Variants in OSBP2 observed in about 807,000 individuals in gnomAD.
The protein encoded by OSBP2 is oxysterol-binding protein 2.
A neutral mutation model predicts 96.0 loss-of-function variants in OSBP2; 66 were observed. That is an observed-to-expected ratio of 0.69 (90% CI 0.56 to 0.84). The LOEUF (loss-of-function observed/expected upper bound fraction) is 0.84, where lower values mean the gene tolerates loss of function less well. Among genes scored for constraint, OSBP2 ranks in the 40% least tolerant of loss-of-function variants. The pLI is 0.00. For missense variants in OSBP2, 1,038 were observed against 1,222.7 expected (o/e 0.85, Z 2.25); for synonymous variants, 525 against 520.9 (o/e 1.01, Z -0.11).
chr22:30,881,428 A>G lies in OSBP2; in HGVS notation c.1108-5998A>G, dbSNP rs1415733550. ...TAGGACCCCTCACTCTCTTCCCCTTAAACAATTCAGGACACAAATGTGCGG... is the reference window on the plus strand; with the variant it reads ...TAGGACCCCTCACTCTCTTCCCCTTGAACAATTCAGGACACAAATGTGCGG... On this transcript the variant is annotated intron_variant, in intron 3 of 13. Transcript: ENST00000332585. The surrounding 1 kb of genome is among the most constrained non-coding windows in gnomAD (Gnocchi z 4.5). Among the ~76,000 whole-genome samples the G allele has an allele frequency of 2.0e-5, 3 of 152,118 alleles. No homozygotes were observed. The highest frequency in any genetic ancestry group is 4.4e-5 in the Non-Finnish European group (3 of 68,008).
intron 2 of OSBP2, among the ~76,000 whole-genome samples, chr22:30,808,824 G>A (rs189362296): frequency 7.2e-5 from 11 of 152,148 alleles, no homozygotes; most frequent in Admixed American, 5.9e-4. Flanking sequence ...CGTGGTGGCG[G>A]GTGCCTGTAG....
intron 2 of OSBP2, among the ~76,000 whole-genome samples, chr22:30,837,869 C>T (rs918149613): frequency 6.6e-5 from 10 of 152,134 alleles, no homozygotes; most frequent in African/African-American, 2.4e-4. Context: ...GCATGTGAAC[C>T]CTCTTTAGAA....
intron 12 of OSBP2, among the ~76,000 whole-genome samples, chr22:30,897,858 G>C (rs1350134893): frequency 6.6e-6 from 1 of 151,562 alleles, no homozygotes; most frequent in Non-Finnish European, 1.5e-5. Flanking sequence ...GCTGAGGTAA[G>C]AGAATCGCTT....
At chr22:30,705,897 G>T (rs1251546385) in intron 1 of OSBP2, among the ~76,000 whole-genome samples, 2 of 152,182 alleles carry the variant, frequency 1.3e-5, no homozygotes, top group Non-Finnish European at 2.9e-5. Context: ...AGGCCAACAG[G>T]TTGAGGCAAA....
intron 3 of OSBP2, among the ~76,000 whole-genome samples, chr22:30,877,560 G>T (rs978368320): frequency 2.2e-4 from 33 of 152,180 alleles, no homozygotes; most frequent in African/African-American, 8.0e-4. Context: ...GGCTTGGAGT[G>T]TTAGCATCCA....
At chr22:30,861,330 G>C (rs1271097738) in intron 2 of OSBP2, among the ~76,000 whole-genome samples, 1 of 152,136 alleles carries the variant, frequency 6.6e-6, no homozygotes, top group East Asian at 1.9e-4. Flanking sequence ...TTGGTAATAG[G>C]TGTCCCTGGT....
chr22:30,701,201 C>T (rs1187069489), intron 1 of OSBP2, among the ~76,000 whole-genome samples: 1 of 152,038 alleles, frequency 6.6e-6, no homozygotes, highest in East Asian at 1.9e-4. Flanking sequence ...CACACCAAGA[C>T]ATTGTTGCCT....
intron 2 of OSBP2, among the ~76,000 whole-genome samples, chr22:30,768,855 G>T (rs1473095208): frequency 6.6e-6 from 1 of 152,190 alleles, no homozygotes; most frequent in Non-Finnish European, 1.5e-5. Flanking sequence ...TTACTGTTTA[G>T]GTGTTAACCT....
At chr22:30,716,487 G>C (rs1033061709) in intron 1 of OSBP2, among the ~76,000 whole-genome samples, 4 of 151,974 alleles carry the variant, frequency 2.6e-5, no homozygotes, top group Admixed American at 1.3e-4. Flanking sequence ...GCCCGGGCTG[G>C]AGTGCAATGG....
intron 2 of OSBP2, among the ~76,000 whole-genome samples, chr22:30,742,884 G>T (rs756560878): frequency 5.3e-5 from 8 of 152,150 alleles, no homozygotes; most frequent in Non-Finnish European, 1.0e-4. Context: ...CAGTGGGCGC[G>T]TACATTTGTA....
At chr22:30,757,532 C>T (rs2090156691) in intron 2 of OSBP2, among the ~76,000 whole-genome samples, 1 of 152,024 alleles carries the variant, frequency 6.6e-6, no homozygotes, top group Non-Finnish European at 1.5e-5. Context: ...ATTCTCCTGT[C>T]TCAGTCTCCC....
intron 2 of OSBP2, among the ~76,000 whole-genome samples, chr22:30,772,925 T>C (rs562472686): frequency 2.0e-5 from 3 of 151,690 alleles, no homozygotes; most frequent in Admixed American, 6.6e-5. Flanking sequence ...TCCGAGTAGC[T>C]GGGATTACAG....
intron 2 of OSBP2, among the ~76,000 whole-genome samples, chr22:30,834,975 C>A (rs1280987374): frequency 6.6e-6 from 1 of 151,958 alleles, no homozygotes. Flanking sequence ...ACCACCACAC[C>A]TGGCTAATTT....
chr22:30,745,752 A>G (rs2089992615), intron 2 of OSBP2, among the ~76,000 whole-genome samples: 1 of 152,022 alleles, frequency 6.6e-6, no homozygotes, highest in Admixed American at 6.6e-5. Context: ...AATGAAAGCA[A>G]AAGTTGGTTC....
At chr22:30,754,003 TTTG>T (rs2090110859) in intron 2 of OSBP2, among the ~76,000 whole-genome samples, 1 of 152,228 alleles carries the variant, frequency 6.6e-6, no homozygotes, top group South Asian at 2.1e-4. Flanking sequence ...GTGGAATTTA[TTTG>T]TTCTTAATTG....
intron 1 of OSBP2, among the ~76,000 whole-genome samples, chr22:30,725,487 G>A (rs2089630868): frequency 6.6e-6 from 1 of 151,496 alleles, no homozygotes; most frequent in Non-Finnish European, 1.5e-5. Context: ...CTTCGGCCTG[G>A]GAGACAGAGT....
At chr22:30,713,980 C>T (rs2089402857) in intron 1 of OSBP2, among the ~76,000 whole-genome samples, 1 of 152,166 alleles carries the variant, frequency 6.6e-6, no homozygotes, top group African/African-American at 2.4e-5. Context: ...AGTCACCCTA[C>T]AGTGCTGTAG....
intron 2 of OSBP2, among the ~76,000 whole-genome samples, chr22:30,784,816 A>T (rs1177916602): frequency 6.8e-6 from 1 of 147,494 alleles, no homozygotes; most frequent in Non-Finnish European, 1.5e-5. Flanking sequence ...TCTGTCGCCC[A>T]GGCTGGAGTG....
chr22:30,756,149 C>T (rs2090138151), intron 2 of OSBP2, among the ~76,000 whole-genome samples: 1 of 152,218 alleles, frequency 6.6e-6, no homozygotes, highest in Non-Finnish European at 1.5e-5. Context: ...AGATCTGACT[C>T]CTCCAGGTGG....
Sources: allele counts gnomAD v4.1 joint callset (sites outside exome capture counted in the v4.1 genomes callset), GRCh38; gene constraint gnomAD v4.1.1; non-coding constraint Gnocchi (gnomAD v3.1); transcripts MANE v1.5; gene names NCBI Gene and HGNC (gene_info 2026-07-23, HGNC 2026-07-21).